PPARGC1A: variants seen among roughly 807,000 people sequenced by gnomAD.
PPARGC1A encodes the protein PPARG coactivator 1 alpha, also known as peroxisome proliferator-activated receptor gamma coactivator 1-alpha.
In PPARGC1A, 25 loss-of-function variants were observed where a neutral mutation model predicts 88.7. That is an observed-to-expected ratio of 0.28 (90% CI 0.21 to 0.39). The LOEUF (loss-of-function observed/expected upper bound fraction) is 0.39, where lower values mean the gene tolerates loss of function less well. PPARGC1A is among the 10% of genes least tolerant of loss of function. The pLI is 1.00. For missense variants in PPARGC1A, 880 were observed against 968.7 expected, an observed-to-expected ratio of 0.91 and a Z score of 1.22; for synonymous variants, 363 against 355.6, an observed-to-expected ratio of 1.02 and a Z score of -0.24.
chr4:23,975,352 A>T, the PPARGC1A span, among the ~76,000 whole-genome samples: 1 of 152,116 alleles, frequency 6.6e-6, no homozygotes, highest in African/African-American at 2.4e-5. Flanking sequence ...CTTCTTTTTG[A>T]TTAAAGAATG....
At chr4:24,193,250 A>G in the PPARGC1A span, among the ~76,000 whole-genome samples, 1 of 152,206 alleles carries the variant, frequency 6.6e-6, no homozygotes, top group Non-Finnish European at 1.5e-5. Context: ...AACAACACAT[A>G]GCAGGACGCA....
chr4:24,308,613 CAG>C, the PPARGC1A span, among the ~76,000 whole-genome samples: 2 of 152,114 alleles, frequency 1.3e-5, no homozygotes, highest in African/African-American at 2.4e-5. Context: ...AGGCTGCATT[CAG>C]AGAGTCTTGG....
chr4:24,300,324 A>ATTTTTTTTTTTTTTTTTTTT, the PPARGC1A span, among the ~76,000 whole-genome samples: 5 of 44,998 alleles, frequency 1.1e-4, 2 homozygotes, highest in Non-Finnish European at 2.2e-4. Context: ...ATACAATAGC[A>ATTTTTTTTTTTTTTTTTTTT]TTTTTTTTTT....
chr4:24,297,462 C>T, the PPARGC1A span, among the ~76,000 whole-genome samples: 31 of 152,264 alleles, frequency 2.0e-4, no homozygotes, highest in South Asian at 5.6e-3. Flanking sequence ...ACACAATTTA[C>T]CTTCATGAGC....
At chr4:24,099,287 CAAAAAA>C in the PPARGC1A span, among the ~76,000 whole-genome samples, 4 of 66,986 alleles carry the variant, frequency 6.0e-5, no homozygotes, top group African/African-American at 1.4e-4. Context: ...CTCCCTCCTG[CAAAAAA>C]AAAAAAAAAA....
At chr4:24,048,904 A>C in the PPARGC1A span, among the ~76,000 whole-genome samples, 1 of 152,152 alleles carries the variant, frequency 6.6e-6, no homozygotes, top group South Asian at 2.1e-4. Flanking sequence ...ATCCTTAGTC[A>C]ACATATGGCA....
chr4:24,242,185 C>T, the PPARGC1A span, among the ~76,000 whole-genome samples: 1 of 152,190 alleles, frequency 6.6e-6, no homozygotes, highest in African/African-American at 2.4e-5. Context: ...AGCCGAGTGA[C>T]AGTTCTAAAC....
the PPARGC1A span, among the ~76,000 whole-genome samples, chr4:24,268,116 T>A: frequency 3.3e-5 from 5 of 152,228 alleles, no homozygotes; most frequent in Non-Finnish European, 7.3e-5. Context: ...TCTTGACATG[T>A]ACATGGCATG....
intron 2 of PPARGC1A, among the ~76,000 whole-genome samples, chr4:23,865,768 CA>C (rs1711802917): frequency 1.3e-5 from 2 of 152,148 alleles, no homozygotes; most frequent in Admixed American, 6.5e-5. Flanking sequence ...AAATCTATTT[CA>C]CACTAAATTG....
At chr4:23,955,629 A>G in the PPARGC1A span, among the ~76,000 whole-genome samples, 3 of 152,110 alleles carry the variant, frequency 2.0e-5, no homozygotes, top group African/African-American at 7.2e-5. Flanking sequence ...AACTTGGGCT[A>G]TAACACGATC....
At chr4:24,460,464 AATAGAG>A in the PPARGC1A span, among the ~76,000 whole-genome samples, 5 of 152,222 alleles carry the variant, frequency 3.3e-5, no homozygotes, top group Admixed American at 6.5e-5. Context: ...TATGTATGTT[AATAGAG>A]ATAAACAATG....
intron 2 of PPARGC1A, among the ~76,000 whole-genome samples, chr4:23,861,421 A>G (rs1731206062): frequency 6.6e-6 from 1 of 152,224 alleles, no homozygotes; most frequent in South Asian, 2.1e-4. Flanking sequence ...GATGATCACA[A>G]GTTAAATGTC....
the PPARGC1A span, among the ~76,000 whole-genome samples, chr4:24,293,758 TC>T: frequency 2.0e-5 from 3 of 151,374 alleles, no homozygotes; most frequent in African/African-American, 7.3e-5. Flanking sequence ...CCAGGCACCA[TC>T]CCCTTGCTTC....
At chr4:23,817,663 A>T (rs562131724) in intron 7 of PPARGC1A, among the ~76,000 whole-genome samples, 118 of 152,286 alleles carry the variant, frequency 7.7e-4, no homozygotes, top group African/African-American at 2.7e-3. Context: ...TGAATGGAAG[A>T]TATTTCAAGA....
At chr4:24,309,665 T>C in the PPARGC1A span, among the ~76,000 whole-genome samples, 3 of 152,128 alleles carry the variant, frequency 2.0e-5, no homozygotes, top group South Asian at 2.1e-4. Context: ...CACTGCAGCA[T>C]TGAACTCCTG....
At chr4:24,130,879 C>T in the PPARGC1A span, among the ~76,000 whole-genome samples, 2 of 152,200 alleles carry the variant, frequency 1.3e-5, no homozygotes, top group African/African-American at 2.4e-5. Context: ...TGATCTCACT[C>T]TGTTCCAGCC....
the PPARGC1A span, among the ~76,000 whole-genome samples, chr4:24,315,179 C>G: frequency 6.6e-6 from 1 of 152,122 alleles, no homozygotes; most frequent in Admixed American, 6.5e-5. Flanking sequence ...CAGCTTCTAA[C>G]TTGCTTACTA....
chr4:24,468,828 A>G, the PPARGC1A span, among the ~76,000 whole-genome samples: 1 of 152,132 alleles, frequency 6.6e-6, no homozygotes, highest in African/African-American at 2.4e-5. Flanking sequence ...GTTTCTTGTG[A>G]AAATGAAAGT....
At chr4:23,823,505 G>T (rs2109589513) in intron 7 of PPARGC1A, among the ~76,000 whole-genome samples, 1 of 152,108 alleles carries the variant, frequency 6.6e-6, no homozygotes, top group Non-Finnish European at 1.5e-5. Context: ...CCCACCAATT[G>T]CTGGTCCTCA....
Sources: gnomAD v4.1 joint callset for allele counts (sites outside exome capture counted in the v4.1 genomes callset) on GRCh38, gnomAD v4.1.1 for gene constraint, MANE v1.5 for transcripts, NCBI Gene and HGNC (gene_info 2026-07-23, HGNC 2026-07-21) for gene names.